The following PVT1 variants were observed in gnomAD, a reference collection of about 807,000 sequenced individuals.
PVT1 encodes the protein CXCR4/PVT1 fusion.
rs552577633 is a variant in PVT1 at position 127,912,325 on chromosome 8, A to G, written n.782+21327A>G. Among the ~76,000 whole-genome samples the G allele has an allele frequency of 1.0e-3, 154 of 152,210 alleles. 1 individual carries two copies. Among genetic ancestry groups the G allele is most frequent in the Non-Finnish European group, 1.5e-3 (102 of 68,050 alleles). Reference sequence around the variant, plus strand: ...CGTGTTGACTCATGTAACACAGGCAACCACCCTATAATAAGTACTATGTTT... The same window carrying G: ...CGTGTTGACTCATGTAACACAGGCAGCCACCCTATAATAAGTACTATGTTT... On this transcript the variant is annotated intron_variant and non_coding_transcript_variant, in intron 3 of 10. Transcript: ENST00000651587.
chr8:127,938,821 C>T (rs981909717), intron 3 of PVT1, among the ~76,000 whole-genome samples: 2 of 152,108 alleles, frequency 1.3e-5, no homozygotes, highest in African/African-American at 2.4e-5. Flanking sequence ...GGGTCTCGTT[C>T]GATGGTGCAG....
chr8:128,065,181 CTCT>C (rs1199820247), intron 4 of PVT1, among the ~76,000 whole-genome samples: 5 of 137,250 alleles, frequency 3.6e-5, no homozygotes, highest in African/African-American at 5.2e-5. Flanking sequence ...TCTCAGAAGT[CTCT>C]TCTTTTTTAT....
chr8:127,855,455 T>C, intron 2 of PVT1: 1 of 365,938 alleles, frequency 2.7e-6, no homozygotes, highest in Non-Finnish European at 4.9e-6. Context: ...AGGGTTCAGG[T>C]TCCAGCTTCA....
At chr8:127,982,308 C>T (rs1442623836) in intron 3 of PVT1, among the ~76,000 whole-genome samples, 2 of 152,130 alleles carry the variant, frequency 1.3e-5, no homozygotes, top group African/African-American at 4.8e-5. Flanking sequence ...AATCTAAACA[C>T]TCTCCAGTAA....
intron 2 of PVT1, among the ~76,000 whole-genome samples, chr8:127,821,957 C>G (rs567131714): frequency 6.6e-6 from 1 of 152,312 alleles, no homozygotes; most frequent in South Asian, 2.1e-4. Flanking sequence ...GCAGGCCTAC[C>G]AGGTGTGGAT....
chr8:128,054,551 G>A (rs1287410754), intron 4 of PVT1, among the ~76,000 whole-genome samples: 2 of 152,166 alleles, frequency 1.3e-5, no homozygotes, highest in Non-Finnish European at 2.9e-5. Flanking sequence ...TGCACCTGTT[G>A]ATTGAAACAC....
chr8:128,018,538 G>T (rs1205810304), intron 4 of PVT1, among the ~76,000 whole-genome samples: 1 of 152,212 alleles, frequency 6.6e-6, no homozygotes, highest in Non-Finnish European at 1.5e-5. Context: ...CTGGAGAAAT[G>T]CCAGGGAGAT....
intron 3 of PVT1, chr8:127,947,853 G>T: frequency 2.2e-6 from 1 of 456,552 alleles, no homozygotes; most frequent in Non-Finnish European, 4.4e-6. Flanking sequence ...CTTACTTTGT[G>T]CTATACCCTC....
intron 4 of PVT1, among the ~76,000 whole-genome samples, chr8:128,009,374 A>C (rs536373159): frequency 1.1e-4 from 17 of 152,332 alleles, no homozygotes; most frequent in African/African-American, 4.1e-4. Flanking sequence ...CATAAGAACA[A>C]GTATCTTTAT....
chr8:128,023,592 G>A (rs1035509493), intron 4 of PVT1, among the ~76,000 whole-genome samples: 7 of 152,158 alleles, frequency 4.6e-5, no homozygotes, highest in Non-Finnish European at 2.9e-5. Flanking sequence ...ACTACTTTTG[G>A]AATGACTGAA....
intron 3 of PVT1, among the ~76,000 whole-genome samples, chr8:127,915,851 G>A (rs1051547219): frequency 5.3e-5 from 8 of 152,286 alleles, no homozygotes; most frequent in Admixed American, 2.6e-4. Flanking sequence ...GTTTTGTTTC[G>A]CTTTGCTTCA....
intron 3 of PVT1, among the ~76,000 whole-genome samples, chr8:127,911,539 G>C (rs1215774112): frequency 6.6e-6 from 1 of 152,224 alleles, no homozygotes; most frequent in African/African-American, 2.4e-5. Context: ...GGAGGAGATG[G>C]CAGCTCTAAT....
chr8:127,881,070 C>CCT (rs1815461676), intron 2 of PVT1, among the ~76,000 whole-genome samples: 2 of 152,226 alleles, frequency 1.3e-5, no homozygotes, highest in African/African-American at 4.8e-5. Context: ...AAGGTGCCTG[C>CCT]TGGTAGAAGG....
intron 4 of PVT1, among the ~76,000 whole-genome samples, chr8:128,014,271 T>C (rs914756943): frequency 3.9e-5 from 6 of 152,248 alleles, no homozygotes; most frequent in Non-Finnish European, 7.3e-5. Context: ...TGTGGATTTA[T>C]CCTCATCTCT....
intron 2 of PVT1, among the ~76,000 whole-genome samples, chr8:127,827,870 C>T (rs1586396449): frequency 6.6e-6 from 1 of 152,236 alleles, no homozygotes; most frequent in East Asian, 1.9e-4. Flanking sequence ...TGGCCCGAAG[C>T]CCCTGTGCCG....
chr8:127,883,637 T>A (rs1167050337), intron 2 of PVT1, among the ~76,000 whole-genome samples: 7 of 149,890 alleles, frequency 4.7e-5, no homozygotes, highest in Admixed American at 2.6e-4. Flanking sequence ...AAAATAAAAT[T>A]AAAAAAATAA....
intron 4 of PVT1, among the ~76,000 whole-genome samples, chr8:128,044,008 TTTATTTA>T (rs1395492465): frequency 4.4e-5 from 1 of 22,720 alleles, no homozygotes; most frequent in East Asian, 1.2e-3. Context: ...TTTATTATTA[TTTATTTA>T]TTTTTTTTTT....
At chr8:127,830,119 G>A (rs1384147183) in intron 2 of PVT1, among the ~76,000 whole-genome samples, 3 of 152,208 alleles carry the variant, frequency 2.0e-5, no homozygotes, top group African/African-American at 7.2e-5. Flanking sequence ...TTCCAAATAA[G>A]GCTACATTCT....
chr8:128,039,444 C>T (rs904868081), intron 4 of PVT1, among the ~76,000 whole-genome samples: 2 of 152,206 alleles, frequency 1.3e-5, no homozygotes, highest in African/African-American at 4.8e-5. Context: ...TAAGTTAATG[C>T]CCTAAAGTCA....
Sources: gnomAD v4.1 joint callset for allele counts (sites outside exome capture counted in the v4.1 genomes callset) on GRCh38, gnomAD v4.1.1 for gene constraint, MANE v1.5 for transcripts, NCBI Gene and HGNC (gene_info 2026-07-23, HGNC 2026-07-21) for gene names.